Variants in CHL1 observed in about 807,000 individuals in gnomAD.
CHL1 encodes the protein cell adhesion molecule L1 like, also known as neural cell adhesion molecule L1-like protein.
CHL1 carries 96 observed loss-of-function variants against 141.9 expected under a neutral mutation model. The ratio of observed to expected loss-of-function variants is 0.68; its 90% CI spans 0.57 to 0.80. The LOEUF is 0.80. CHL1 is among the 30% of genes least tolerant of loss of function. CHL1 has a pLI of 0.00. For missense variants in CHL1, 1,820 were observed against 1,457.2 expected, an observed-to-expected ratio of 1.25 and a Z score of -4.05; for synonymous variants, 613 against 502.2, an observed-to-expected ratio of 1.22 and a Z score of -2.95.
In CHL1 at chr3:342,912, A is replaced by G. The variant is rs920094957; in HGVS notation, c.680-72A>G. 66 of 1,246,962 alleles carry G rather than the reference A, an allele frequency of 5.3e-5. No homozygotes were observed. The East Asian group carries it at 1.4e-3, about 27-fold the overall frequency. 77.2% of individuals were successfully genotyped at this position (1,246,962 alleles called of 1,614,324 possible). A position where few individuals can be genotyped will look rare whatever the true frequency, so the allele number is the denominator to read the frequency against. On this transcript the variant is annotated intron_variant, in intron 7 of 27. Coordinates refer to ENST00000256509, the MANE Select transcript of CHL1 (RefSeq NM_006614.4). ...GTAATTTTTCTAAGACAAAAATATG[A>G]CTTTTCATTCTTTATTGATATCAGC...
intron 2 of CHL1, among the ~76,000 whole-genome samples, chr3:306,314 G>T (rs1039227562): frequency 2.0e-4 from 31 of 152,092 alleles, no homozygotes; most frequent in Non-Finnish European, 3.8e-4. Context: ...GGCTTGAATA[G>T]AATACGTTTG....
intron 3 of CHL1, 144 bp from the exon 4 acceptor site, chr3:325,815 G>C (rs1245606049): frequency 1.9e-6 from 1 of 520,332 alleles, no homozygotes; most frequent in South Asian, 3.3e-5. Flanking sequence ...GTTGCAAAGA[G>C]AGAGTGAGAT....
chr3:398,759 T>C (rs1191997976), intron 25 of CHL1, among the ~76,000 whole-genome samples: 1 of 152,218 alleles, frequency 6.6e-6, no homozygotes, highest in African/African-American at 2.4e-5. Context: ...TTTAACTTCA[T>C]CTGCCTTCAT....
intron 15 of CHL1, chr3:376,315 G>C (rs1706311873): frequency 2.1e-6 from 1 of 480,936 alleles, no homozygotes; most frequent in Admixed American, 2.2e-5. Flanking sequence ...TTTGACATGT[G>C]ACAGAATTAT....
intron 1 of CHL1, among the ~76,000 whole-genome samples, chr3:209,872 T>C (rs1432799719): frequency 6.6e-6 from 1 of 152,256 alleles, no homozygotes; most frequent in African/African-American, 2.4e-5. Flanking sequence ...GGATTTTGTA[T>C]TGCCCATTCC....
At chr3:227,693 A>G (rs566620866) in intron 1 of CHL1, among the ~76,000 whole-genome samples, 1 of 152,246 alleles carries the variant, frequency 6.6e-6, no homozygotes, top group Non-Finnish European at 1.5e-5. Flanking sequence ...CTTTTCAGGC[A>G]AATCGTTCTT....
intron 5 of CHL1, among the ~76,000 whole-genome samples, chr3:333,449 A>T (rs966638501): frequency 5.7e-4 from 87 of 152,132 alleles, no homozygotes; most frequent in African/African-American, 1.8e-3. Context: ...TTTGTATACA[A>T]TGTCCAGTTT....
At chr3:338,180 C>T (rs946531471) in intron 5 of CHL1, among the ~76,000 whole-genome samples, 2 of 152,180 alleles carry the variant, frequency 1.3e-5, no homozygotes, top group African/African-American at 4.8e-5. Flanking sequence ...CAAGTTGATT[C>T]TGATCCCTTT....
chr3:272,173 A>G (rs1695691437), intron 2 of CHL1, among the ~76,000 whole-genome samples: 1 of 152,226 alleles, frequency 6.6e-6, no homozygotes, highest in Non-Finnish European at 1.5e-5. Context: ...GCTTTACTGT[A>G]ATATTGCTAC....
chr3:405,489 T>A lies in CHL1; in HGVS notation c.3459-6T>A. 1 of 1,598,722 alleles carries A rather than the reference T, an allele frequency of 6.3e-7. No individual in the cohort carries two copies. Among genetic ancestry groups the A allele is most frequent in the Non-Finnish European group, 8.6e-7 (1 of 1,166,974 alleles). On this transcript the variant is annotated splice_region_variant and splice_polypyrimidine_tract_variant and intron_variant, in intron 27 of 27. Transcript: ENST00000256509. ...GTTGAGCTATTTTTGTTTGTTTGTT[T>A]TCTAGTGACAGTGATGAAAAGCCTC...
chr3:295,679 A>C (rs1305263787), intron 2 of CHL1, among the ~76,000 whole-genome samples: 1 of 152,196 alleles, frequency 6.6e-6, no homozygotes, highest in Non-Finnish European at 1.5e-5. Flanking sequence ...TTGGATATGT[A>C]ATTTGAATGG....
At chr3:328,380 T>C in intron 5 of CHL1, 26 bp downstream of exon 5, 1 of 1,561,490 alleles carries the variant, frequency 6.4e-7, no homozygotes, top group Non-Finnish European at 8.7e-7. Context: ...GGAATTTCAT[T>C]TTACAAGTGT....
At position 382,792 on chromosome 3, in the gene CHL1, C is replaced by T. The variant is rs1201853102; in HGVS notation, c.2176+121C>T. The T allele has an allele frequency of 4.7e-6, 4 of 854,066 alleles. No homozygotes were observed. In the South Asian group the frequency reaches 4.7e-5, roughly 10 times the overall value. 52.9% of individuals were successfully genotyped at this position (854,066 alleles called of 1,614,324 possible). On this transcript the variant is annotated intron_variant, in intron 18 of 27. Transcript: ENST00000256509. Reference sequence around the variant, plus strand: ...TTTAGATTTCTCCAAATAGTGTTAACAGTTCTCTAAACAGCACACAAAATA... The same window carrying T: ...TTTAGATTTCTCCAAATAGTGTTAATAGTTCTCTAAACAGCACACAAAATA...
intron 26 of CHL1, among the ~76,000 whole-genome samples, chr3:400,689 C>G (rs1015471139): frequency 6.7e-6 from 1 of 149,618 alleles, no homozygotes; most frequent in Non-Finnish European, 1.5e-5. Flanking sequence ...GAAATCCTAA[C>G]TACTCGGGAG....
At chr3:317,771 C>T (rs4685578) in intron 2 of CHL1, among the ~76,000 whole-genome samples, 28,198 of 151,322 alleles carry the variant, frequency 0.19, 3,760 homozygotes, top group African/African-American at 0.38. Flanking sequence ...TGTACAAATA[C>T]GTAGGACTCA....
chr3:383,510 G>T (rs1707310572), intron 18 of CHL1, among the ~76,000 whole-genome samples: 1 of 151,846 alleles, frequency 6.6e-6, no homozygotes, highest in South Asian at 2.1e-4. Context: ...AAAAAAGCAG[G>T]TTCAGAATTT....
chr3:379,498 C>A (rs1168450362), intron 16 of CHL1, among the ~76,000 whole-genome samples: 1 of 152,076 alleles, frequency 6.6e-6, no homozygotes, highest in Non-Finnish European at 1.5e-5. Flanking sequence ...TGGAATTCAT[C>A]CCAGGCCTAG....
rs762606688 is a variant in CHL1, at chr3:354,668, G to C, written c.1062G>C (p.Gln354His). Reference sequence around the variant, plus strand: ...CTCCTCGCTGGACAAAGAAGCCTCAGAGTGCTGTGTATAGCACCGGAAGCA... The same window carrying C: ...CTCCTCGCTGGACAAAGAAGCCTCACAGTGCTGTGTATAGCACCGGAAGCA... The part of the protein sequence containing the change: ...EEPPRWTKKP[Q>H]SAVYSTGSNG... The change falls in exon 11 of 28, where the codon CAG becomes CAC. Residue 354 changes from glutamine (Q) to histidine (H), a missense_variant. By Grantham distance (24) the Gln-to-His change is conservative. Transcript: ENST00000256509. 2 of 1,613,668 alleles carry C rather than the reference G, an allele frequency of 1.2e-6. No homozygotes were observed. The highest frequency in any genetic ancestry group is 8.5e-7 in the Non-Finnish European group (1 of 1,179,708).
At chr3:355,991 A>G (rs1703680881) in intron 11 of CHL1, among the ~76,000 whole-genome samples, 1 of 152,164 alleles carries the variant, frequency 6.6e-6, no homozygotes, top group Non-Finnish European at 1.5e-5. Flanking sequence ...GGATTAAAGG[A>G]AACATCATGC....
Sources: gnomAD v4.1 joint callset for allele counts (sites outside exome capture counted in the v4.1 genomes callset) on GRCh38, gnomAD v4.1.1 for gene constraint, MANE v1.5 for transcripts, NCBI Gene and HGNC (gene_info 2026-07-23, HGNC 2026-07-21) for gene names.